Variants in ADAMTSL1 observed in about 807,000 individuals in gnomAD.
The protein encoded by ADAMTSL1 is ADAMTS like 1.
ADAMTSL1 carries 126 observed loss-of-function variants against 201.8 expected under a neutral mutation model. The observed-to-expected ratio is 0.62, with a 90% confidence interval of 0.54 to 0.72. The LOEUF (loss-of-function observed/expected upper bound fraction) is 0.72, where lower values mean the gene tolerates loss of function less well. ADAMTSL1 is among the 30% of genes least tolerant of loss of function. The probability of loss-of-function intolerance (pLI) is 0.00; values close to 1 mark genes in which losing one functional copy is unlikely to be tolerated. For synonymous variants in ADAMTSL1, 1,121 were observed against 903.4 expected (o/e 1.24, Z -4.32); for missense variants, 2,679 against 2,277.8 (o/e 1.18, Z -3.59).
At chr9:18,192,978 A>G (rs1829030814) in intron 2 of ADAMTSL1, among the ~76,000 whole-genome samples, 1 of 152,134 alleles carries the variant, frequency 6.6e-6, no homozygotes, top group Non-Finnish European at 1.5e-5. Flanking sequence ...CTATCTAACC[A>G]GAGAAATAAA....
At chr9:17,988,728 A>G (rs566605389) in intron 1 of ADAMTSL1, among the ~76,000 whole-genome samples, 13 of 151,984 alleles carry the variant, frequency 8.6e-5, no homozygotes, top group Non-Finnish European at 1.6e-4. Context: ...ACTGCTTTCA[A>G]TTATCAGTGA....
intron 4 of ADAMTSL1, among the ~76,000 whole-genome samples, chr9:18,580,206 C>T (rs942311023): frequency 6.6e-6 from 1 of 152,104 alleles, no homozygotes; most frequent in Non-Finnish European, 1.5e-5. Flanking sequence ...ATGAATAATA[C>T]AGTACAGAAA....
intron 1 of ADAMTSL1, among the ~76,000 whole-genome samples, chr9:18,058,459 G>T (rs554977850): frequency 6.6e-6 from 1 of 151,968 alleles, no homozygotes; most frequent in African/African-American, 2.4e-5. Context: ...ATATTACATC[G>T]CATTGACATG....
chr9:18,575,929 A>G (rs1375878434), intron 4 of ADAMTSL1, among the ~76,000 whole-genome samples: 1 of 152,202 alleles, frequency 6.6e-6, no homozygotes, highest in African/African-American at 2.4e-5. Context: ...TCAACGTGGC[A>G]TATTTTTTCC....
intron 2 of ADAMTSL1, among the ~76,000 whole-genome samples, chr9:18,280,879 T>C (rs1832760290): frequency 6.6e-6 from 1 of 150,718 alleles, no homozygotes; most frequent in Non-Finnish European, 1.5e-5. Context: ...TCCGCTTTTT[T>C]TTTTTTTTTT....
chr9:18,604,325 C>T (rs545116846), intron 4 of ADAMTSL1, among the ~76,000 whole-genome samples: 27 of 152,242 alleles, frequency 1.8e-4, no homozygotes, highest in African/African-American at 6.3e-4. Context: ...GAAAGTTAGT[C>T]TTTAAAAGAA....
rs1317482954 is a variant in ADAMTSL1 at position 18,526,959 on chromosome 9, A to G, written c.192-6288A>G. Among the ~76,000 whole-genome samples, 11 of 152,290 alleles carry G rather than the reference A, an allele frequency of 7.2e-5. No individual in the cohort carries two copies. In the East Asian group the frequency reaches 1.9e-3, roughly 27 times the overall value. The stretch of plus-strand genomic sequence containing the variant: ...ATGTCTTTTCTCTTGTAAAGAGCTC[A>G]TAGATTTCTTTGGATGACTGAAAGA... On this transcript the variant is annotated intron_variant, in intron 2 of 28. Coordinates refer to ENST00000380548, the MANE Select transcript of ADAMTSL1 (RefSeq NM_001040272.6).
chr9:18,124,996 A>T (rs1587107442), intron 1 of ADAMTSL1, among the ~76,000 whole-genome samples: 2 of 152,202 alleles, frequency 1.3e-5, no homozygotes, highest in African/African-American at 4.8e-5. Flanking sequence ...AGAGGAAAAT[A>T]TTTCACATTC....
chr9:18,097,622 C>T (rs181649992), intron 1 of ADAMTSL1, among the ~76,000 whole-genome samples: 1 of 152,260 alleles, frequency 6.6e-6, no homozygotes, highest in East Asian at 1.9e-4. Flanking sequence ...TGCATGTGTA[C>T]AATTTTCATC....
At chr9:18,242,759 G>GT (rs1490848331) in intron 2 of ADAMTSL1, among the ~76,000 whole-genome samples, 1 of 151,990 alleles carries the variant, frequency 6.6e-6, no homozygotes, top group Non-Finnish European at 1.5e-5. Context: ...ATTTATGATA[G>GT]TTTTTTAAAA....
At position 18,056,549 on chromosome 9, in the gene ADAMTSL1, G is replaced by A. The variant is rs185589340; in HGVS notation, c.88-107313G>A. On this transcript the variant is annotated intron_variant, in intron 1 of 29. Transcript: ENST00000680146. ...CGGTATAAACAACACATAGGGAGAC[G>A]GTTATTTGTTGGCGAGGTATATTTC... Among the ~76,000 whole-genome samples, 302 of 152,152 alleles carry A rather than the reference G, an allele frequency of 2.0e-3. 2 individuals carry two copies. The highest frequency in any genetic ancestry group is 7.6e-4 in the Non-Finnish European group (52 of 67,990).
chr9:18,040,722 GC>G (rs924625349), intron 1 of ADAMTSL1, among the ~76,000 whole-genome samples: 3 of 151,902 alleles, frequency 2.0e-5, no homozygotes, highest in Admixed American at 2.0e-4. Flanking sequence ...TATAATTACA[GC>G]CCTTATTTGG....
intron 1 of ADAMTSL1, among the ~76,000 whole-genome samples, chr9:18,022,484 A>G (rs1255460954): frequency 6.6e-6 from 1 of 152,148 alleles, no homozygotes; most frequent in Non-Finnish European, 1.5e-5. Flanking sequence ...AAATCCTGCA[A>G]TAATTCTTGC....
chr9:18,280,748 A>G (rs1471269826), intron 2 of ADAMTSL1, among the ~76,000 whole-genome samples: 1 of 152,114 alleles, frequency 6.6e-6, no homozygotes, highest in African/African-American at 2.4e-5. Context: ...TTAACCTTGT[A>G]CCCTATGATT....
At chr9:17,959,313 GC>G (rs1242517849) in intron 1 of ADAMTSL1, among the ~76,000 whole-genome samples, 1 of 152,100 alleles carries the variant, frequency 6.6e-6, no homozygotes, top group East Asian at 1.9e-4. Flanking sequence ...TTAGAGGTCT[GC>G]TATTTTGGCG....
intron 1 of ADAMTSL1, among the ~76,000 whole-genome samples, chr9:18,039,357 C>T (rs1821340021): frequency 6.6e-6 from 1 of 151,828 alleles, no homozygotes; most frequent in Non-Finnish European, 1.5e-5. Flanking sequence ...TTTTTTTTTA[C>T]TTCTCAGTGA....
intron 26 of ADAMTSL1, among the ~76,000 whole-genome samples, chr9:18,895,850 A>G (rs934203324): frequency 6.6e-6 from 1 of 152,244 alleles, no homozygotes; most frequent in African/African-American, 2.4e-5. Flanking sequence ...AAATGGGAAA[A>G]TATGGCCCAT....
chr9:18,164,694 T>G (rs573186752), intron 2 of ADAMTSL1, among the ~76,000 whole-genome samples: 1 of 151,946 alleles, frequency 6.6e-6, no homozygotes, highest in South Asian at 2.1e-4. Context: ...TACAAGCTAG[T>G]GGGTTTCTTA....
chr9:18,803,774 G>A (rs1304505239), intron 20 of ADAMTSL1, among the ~76,000 whole-genome samples: 1 of 151,956 alleles, frequency 6.6e-6, no homozygotes, highest in East Asian at 1.9e-4. Flanking sequence ...TAGCCTTGAG[G>A]CTACCAATAC....
Sources: allele counts gnomAD v4.1 joint callset (sites outside exome capture counted in the v4.1 genomes callset), GRCh38; gene constraint gnomAD v4.1.1; transcripts MANE v1.5; gene names NCBI Gene and HGNC (gene_info 2026-07-23, HGNC 2026-07-21).